USP12: variants seen among roughly 807,000 people sequenced by gnomAD.
The protein encoded by USP12 is ubiquitin specific peptidase 12, also known as ubiquitin carboxyl-terminal hydrolase 12.
A neutral mutation model predicts 45.5 loss-of-function variants in USP12; 19 were observed. The observed-to-expected ratio is 0.42, with a 90% CI of 0.29 to 0.61. The LOEUF (loss-of-function observed/expected upper bound fraction) is 0.61, where lower values mean the gene tolerates loss of function less well. Among genes scored for constraint, USP12 ranks in the 20% least tolerant of loss-of-function variants. The probability of loss-of-function intolerance (pLI) is 0.22; values close to 1 mark genes in which losing one functional copy is unlikely to be tolerated. For missense variants in USP12, 242 were observed against 447.7 expected (o/e 0.54, Z 4.15); for synonymous variants, 149 against 148.8 (o/e 1.00, Z -0.01).
intron 4 of USP12, among the ~76,000 whole-genome samples, chr13:27,094,442 T>C (rs1399921304): frequency 6.6e-6 from 1 of 151,870 alleles, no homozygotes; most frequent in East Asian, 1.9e-4. Context: ...CTTGGGGCTA[T>C]AATGATCTAT....
intron 1 of USP12, among the ~76,000 whole-genome samples, chr13:27,147,325 T>G (rs1287389462): frequency 6.6e-6 from 1 of 152,202 alleles, no homozygotes; most frequent in African/African-American, 2.4e-5. Context: ...TATTTTAGTT[T>G]GTTTCCAATT....
chr13:27,132,499 C>T (rs1036040590), intron 1 of USP12, among the ~76,000 whole-genome samples: 32 of 152,172 alleles, frequency 2.1e-4, no homozygotes, highest in African/African-American at 7.2e-4. Flanking sequence ...ATTACTGCCC[C>T]TCGAAGGAGA....
rs186201393 is a variant in USP12, at chr13:27,088,606, G to A, written c.734+1277C>T. Among the ~76,000 whole-genome samples, 138 of 152,108 alleles carry A rather than the reference G, an allele frequency of 9.1e-4. No homozygotes were observed. The Middle Eastern group carries it at 0.014, about 15-fold the overall frequency. On this transcript the variant is annotated intron_variant, in intron 6 of 8. Coordinates refer to ENST00000282344, the MANE Select transcript of USP12 (RefSeq NM_182488.4). Reference sequence around the variant, plus strand: ...TCTTTCTGGGAGTCTGGAATTTGGGGGCATGGTAGGCAGAGGGTACCTACA... The same window carrying A: ...TCTTTCTGGGAGTCTGGAATTTGGGAGCATGGTAGGCAGAGGGTACCTACA...
chr13:27,167,660 T>G (rs1037188551), intron 1 of USP12, among the ~76,000 whole-genome samples: 2 of 151,878 alleles, frequency 1.3e-5, no homozygotes, highest in African/African-American at 4.8e-5. Context: ...GAAGTACTAT[T>G]TTACTAATAA....
At position 27,103,761 on chromosome 13, in the gene USP12, A is replaced by AG. The variant is rs1555234522; in HGVS notation, c.343+1969_343+1970insC. The stretch of plus-strand genomic sequence containing the variant: ...CATCTCTACCAAAAAAAAAAAAAAA[A>AG]AGAGAGAGAGACAGAGAGAGAAAGA... On this transcript the variant is annotated intron_variant, in intron 3 of 8. Transcript: ENST00000282344. Among the ~76,000 whole-genome samples the AG allele has an allele frequency of 4.7e-5, 7 of 147,524 alleles. No homozygotes were observed. In the East Asian group the frequency reaches 5.9e-4, roughly 12 times the overall value.
intron 8 of USP12, among the ~76,000 whole-genome samples, chr13:27,070,143 A>T (rs533486863): frequency 6.6e-6 from 1 of 152,362 alleles, no homozygotes; most frequent in East Asian, 1.9e-4. Context: ...AACTACTATT[A>T]CCGCAGGCAA....
chr13:27,079,948 T>C (rs765059747), intron 6 of USP12, among the ~76,000 whole-genome samples: 3 of 152,050 alleles, frequency 2.0e-5, no homozygotes, highest in Admixed American at 6.5e-5. Flanking sequence ...TCAGGGCAAA[T>C]AGAATGCTTT....
At chr13:27,099,207 G>C (rs1348080456) in intron 3 of USP12, among the ~76,000 whole-genome samples, 3 of 152,214 alleles carry the variant, frequency 2.0e-5, no homozygotes, top group Non-Finnish European at 4.4e-5. Flanking sequence ...GAAGCAGAGA[G>C]CACTCAGGGA....
At chr13:27,117,092 AG>A (rs1351226305) in intron 1 of USP12, among the ~76,000 whole-genome samples, 1 of 152,242 alleles carries the variant, frequency 6.6e-6, no homozygotes, top group East Asian at 1.9e-4. Flanking sequence ...CCTAACACAA[AG>A]AAAAGAAAAA....
chr13:27,107,078 A>G (rs957510958), intron 2 of USP12, among the ~76,000 whole-genome samples: 2 of 152,202 alleles, frequency 1.3e-5, no homozygotes, highest in Admixed American at 1.3e-4. Flanking sequence ...TAATCCCAGC[A>G]CTTTGGGAGG....
intron 1 of USP12, among the ~76,000 whole-genome samples, chr13:27,145,916 A>C (rs1877287459): frequency 6.6e-6 from 1 of 152,202 alleles, no homozygotes; most frequent in Admixed American, 6.5e-5. Flanking sequence ...GAAAATATTT[A>C]ATGATCCAGA....
intron 3 of USP12, among the ~76,000 whole-genome samples, chr13:27,096,707 T>C (rs1874598427): frequency 6.6e-6 from 1 of 152,274 alleles, no homozygotes; most frequent in African/African-American, 2.4e-5. Flanking sequence ...GACTCCACCA[T>C]GCCACACACA....
At chr13:27,076,029 C>CAAAAACAAAAAAA (rs1873469625) in intron 6 of USP12, among the ~76,000 whole-genome samples, 2 of 98,040 alleles carry the variant, frequency 2.0e-5, no homozygotes, top group Non-Finnish European at 4.1e-5. Context: ...GGCTCCGTCT[C>CAAAAACAAAAAAA]AAAAAAAAAA....
chr13:27,157,519 A>G lies in USP12; in HGVS notation c.48+14073T>C, dbSNP rs569290707. Among the ~76,000 whole-genome samples the G allele has an allele frequency of 2.6e-5, 4 of 152,302 alleles. No homozygotes were observed. The South Asian group carries it at 8.3e-4, about 32-fold the overall frequency. On this transcript the variant is annotated intron_variant, in intron 1 of 8. Transcript: ENST00000282344. ...CTACAAATGTGATTTTTAACAACAT[A>G]TACATGCCTTTTTTTAAAAAAAATA...
In USP12 at chr13:27,144,218, G is replaced by A. The variant is rs796611544; in HGVS notation, c.48+27374C>T. Among the ~76,000 whole-genome samples, 7 of 151,942 alleles carry A rather than the reference G, an allele frequency of 4.6e-5. No individual in the cohort carries two copies. In the South Asian group the frequency reaches 1.5e-3, roughly 32 times the overall value. ...TGACTCCCAAAAAAAAAAAGTGTCA[G>A]CCAAGTGTGTGGCTCACACCTGTAA... On this transcript the variant is annotated intron_variant, in intron 1 of 8. Coordinates refer to ENST00000282344, the MANE Select transcript of USP12 (RefSeq NM_182488.4).
chr13:27,139,078 A>G (rs897442098), intron 1 of USP12, among the ~76,000 whole-genome samples: 5 of 152,212 alleles, frequency 3.3e-5, no homozygotes, highest in Admixed American at 2.6e-4. Context: ...TCCATTTCTA[A>G]TATCAGTAAC....
rs57930303 is a variant in USP12, at chr13:27,120,621, T to TA, written c.49-4026dup. On this transcript the variant is annotated intron_variant, in intron 1 of 8. Transcript: ENST00000282344. Reference sequence around the variant, plus strand: ...TAGGCAACAAGAGCAAAACTCCATCTAAAAAAAAAAAAAAAAGTTCTGCTC... The same window carrying TA: ...TAGGCAACAAGAGCAAAACTCCATCTAAAAAAAAAAAAAAAAAGTTCTGCTC... Among the ~76,000 whole-genome samples, 247 of 145,380 alleles carry TA rather than the reference T, an allele frequency of 1.7e-3. 1 individual carries two copies. The highest frequency in any genetic ancestry group is 2.1e-3 in the Non-Finnish European group (140 of 66,120).
chr13:27,121,216 G>A (rs1266330580), intron 1 of USP12, among the ~76,000 whole-genome samples: 3 of 151,908 alleles, frequency 2.0e-5, no homozygotes, highest in African/African-American at 7.3e-5. Flanking sequence ...TAGAGACAGG[G>A]AGAAAGGAGA....
At chr13:27,095,882 T>TA in intron 3 of USP12, 52 bp from the exon 4 acceptor site, 2 of 1,348,138 alleles carry the variant, frequency 1.5e-6, no homozygotes, top group Non-Finnish European at 2.0e-6. Flanking sequence ...CATAACTTCA[T>TA]AAAAAACCAA....
Sources: gnomAD v4.1 joint callset for allele counts (sites outside exome capture counted in the v4.1 genomes callset) on GRCh38, gnomAD v4.1.1 for gene constraint, MANE v1.5 for transcripts, NCBI Gene and HGNC (gene_info 2026-07-23, HGNC 2026-07-21) for gene names.